Variants in RAB31 observed in about 807,000 individuals in gnomAD.
RAB31 encodes the protein ras-related protein Rab-31.
A neutral mutation model predicts 25.6 loss-of-function variants in RAB31; 21 were observed. That is an observed-to-expected ratio of 0.82 (90% confidence interval 0.58 to 1.18). The LOEUF (loss-of-function observed/expected upper bound fraction) is 1.18, where lower values mean the gene tolerates loss of function less well. Among genes scored for constraint, RAB31 ranks in the 50% most tolerant of loss-of-function variants. The probability of loss-of-function intolerance (pLI) is 0.00; values close to 1 mark genes in which losing one functional copy is unlikely to be tolerated. For missense variants in RAB31, 196 were observed against 250.1 expected (o/e 0.78, Z 1.46); for synonymous variants, 87 against 84.0 (o/e 1.04, Z -0.20).
intron 1 of RAB31, among the ~76,000 whole-genome samples, chr18:9,748,890 C>CA (rs574198911): frequency 0.21 from 30,687 of 145,616 alleles, 3,261 homozygotes; most frequent in African/African-American, 0.29. Context: ...GACTCTGTCT[C>CA]AAAAAAAAAT....
intron 1 of RAB31, among the ~76,000 whole-genome samples, chr18:9,733,102 T>A (rs2068131809): frequency 6.6e-6 from 1 of 152,174 alleles, no homozygotes; most frequent in Non-Finnish European, 1.5e-5. Flanking sequence ...CGCACAGCAC[T>A]TGGGTGTTTT....
At chr18:9,786,854 G>C (rs928696346) in intron 2 of RAB31, 2 of 152,506 alleles carry the variant, frequency 1.3e-5, no homozygotes, top group Non-Finnish European at 2.9e-5. Context: ...AGTGTCATTG[G>C]AAAGACGTGA....
At chr18:9,859,080 A>G (rs2068833763) in intron 6 of RAB31, 148 bp from the exon 7 acceptor site, 2 of 646,028 alleles carry the variant, frequency 3.1e-6, no homozygotes. Flanking sequence ...GGGAGGAAGG[A>G]AAGGAAGGAA....
intron 1 of RAB31, among the ~76,000 whole-genome samples, chr18:9,746,498 A>C (rs992166123): frequency 6.6e-6 from 1 of 152,238 alleles, no homozygotes; most frequent in African/African-American, 2.4e-5. Context: ...AGGACTCAAC[A>C]CTTCCTGATT....
At chr18:9,806,404 G>T (rs932023527) in intron 3 of RAB31, among the ~76,000 whole-genome samples, 2 of 152,152 alleles carry the variant, frequency 1.3e-5, no homozygotes, top group Admixed American at 6.5e-5. Flanking sequence ...TTGATTAAAG[G>T]TGTGACAGAA....
At position 9,771,001 on chromosome 18, in the gene RAB31, A is replaced by G. The variant is rs1952480284; in HGVS notation, c.40-4277A>G. On this transcript the variant is annotated intron_variant, in intron 1 of 6. Coordinates refer to ENST00000578921, the MANE Select transcript of RAB31 (RefSeq NM_006868.4). The stretch of plus-strand genomic sequence containing the variant: ...ACATAGCAAGACCTTGTCTCTGCAA[A>G]AAAACCCCTAACATTTAAAAATAGC... Among the ~76,000 whole-genome samples, 4 of 152,100 alleles carry G rather than the reference A, an allele frequency of 2.6e-5. No homozygotes were observed. The South Asian group carries it at 8.3e-4, about 32-fold the overall frequency.
In RAB31 at chr18:9,708,432, G is replaced by C; in HGVS notation, c.27G>C (p.Val9=). The C allele has an allele frequency of 1.9e-6, 3 of 1,570,394 alleles. No homozygotes were observed. The highest frequency in any genetic ancestry group is 2.6e-6 in the Non-Finnish European group (3 of 1,159,892). Residue 9 remains valine, a synonymous_variant, in exon 1 of 7, where the codon GTG becomes GTC. Coordinates refer to ENST00000578921, the MANE Select transcript of RAB31 (RefSeq NM_006868.4). The surrounding 1 kb of genome is among the most constrained non-coding windows in gnomAD (Gnocchi z 6.4). ...TGATGGCGATACGGGAGCTCAAAGTGTGCCTTCTCGGGGTGAGTCCTGGCC... is the reference window on the plus strand; with the variant it reads ...TGATGGCGATACGGGAGCTCAAAGTCTGCCTTCTCGGGGTGAGTCCTGGCC... MMAIRELK[V]CLLGDTGVGK... is the part of the protein sequence containing the mutation.
intron 1 of RAB31, among the ~76,000 whole-genome samples, chr18:9,764,832 A>T (rs2068307130): frequency 6.6e-6 from 1 of 152,152 alleles, no homozygotes; most frequent in African/African-American, 2.4e-5. Flanking sequence ...GCTTGAGTTC[A>T]CTTATGCCAT....
chr18:9,778,235 G>A (rs1220566452), intron 2 of RAB31, among the ~76,000 whole-genome samples: 1 of 152,270 alleles, frequency 6.6e-6, no homozygotes, highest in South Asian at 2.1e-4. Flanking sequence ...AGATTAAAGG[G>A]GGAGACACAG....
intron 5 of RAB31, among the ~76,000 whole-genome samples, chr18:9,842,203 G>A (rs1023162333): frequency 9.9e-5 from 15 of 152,070 alleles, no homozygotes; most frequent in Admixed American, 7.2e-4. Context: ...TCAATAGTTC[G>A]TATTGAGGCT....
chr18:9,742,867 G>C (rs1395274834), intron 1 of RAB31, among the ~76,000 whole-genome samples: 1 of 152,112 alleles, frequency 6.6e-6, no homozygotes, highest in African/African-American at 2.4e-5. Flanking sequence ...CCACAACTTG[G>C]CTCTTTTTCC....
chr18:9,726,098 C>T (rs1378285884), intron 1 of RAB31: 1 of 152,216 alleles, frequency 6.6e-6, no homozygotes, highest in Non-Finnish European at 1.5e-5. Context: ...GGGAAGTGGA[C>T]CCTAAGCCAG....
chr18:9,858,021 C>A lies in RAB31; in HGVS notation c.491-1207C>A, dbSNP rs117892505. ...CTTCAGCCTGGGTGACAGAGTGAGA[C>A]CCTGTCTCAAGAATAAAACAAAATC... is the stretch of plus-strand genomic sequence containing the variant. On this transcript the variant is annotated intron_variant, in intron 6 of 6. Transcript: ENST00000578921. 1.1e-3 allele frequency among the ~76,000 whole-genome samples: 165 copies of A among 152,220 alleles called. 1 individual carries two copies. In the East Asian group the frequency reaches 0.028, roughly 26 times the overall value.
chr18:9,710,659 C>G (rs1023537861), intron 1 of RAB31, among the ~76,000 whole-genome samples: 1 of 152,024 alleles, frequency 6.6e-6, no homozygotes, highest in Admixed American at 6.6e-5. Flanking sequence ...TCAAGACCAG[C>G]CTGGCCAACA....
chr18:9,824,132 TG>T (rs1346512942), intron 5 of RAB31, among the ~76,000 whole-genome samples: 1 of 152,198 alleles, frequency 6.6e-6, no homozygotes, highest in East Asian at 1.9e-4. Context: ...CCCAGAAAAC[TG>T]TATTTGATTT....
At chr18:9,756,939 G>T (rs2068263086) in intron 1 of RAB31, among the ~76,000 whole-genome samples, 1 of 152,192 alleles carries the variant, frequency 6.6e-6, no homozygotes, top group South Asian at 2.1e-4. Flanking sequence ...AAGTTTAGGA[G>T]TCTGTTCTGA....
intron 1 of RAB31, among the ~76,000 whole-genome samples, chr18:9,748,390 C>T (rs935858736): frequency 6.6e-6 from 1 of 151,978 alleles, no homozygotes; most frequent in African/African-American, 2.4e-5. Context: ...CCGGTAGTCC[C>T]AGCTACTCAG....
chr18:9,778,060 A>T (rs1488088887), intron 2 of RAB31, among the ~76,000 whole-genome samples: 4 of 152,084 alleles, frequency 2.6e-5, no homozygotes, highest in African/African-American at 9.7e-5. Context: ...GCCTGTAATG[A>T]CCTTTTTTAA....
intron 3 of RAB31, among the ~76,000 whole-genome samples, chr18:9,796,947 C>A (rs1453277129): frequency 6.6e-6 from 1 of 152,210 alleles, no homozygotes; most frequent in East Asian, 1.9e-4. Flanking sequence ...AACACATTTT[C>A]TTAAAAATAC....
Sources: gnomAD v4.1 joint callset for allele counts (sites outside exome capture counted in the v4.1 genomes callset) on GRCh38, gnomAD v4.1.1 for gene constraint, Gnocchi (gnomAD v3.1) non-coding constraint, MANE v1.5 for transcripts, NCBI Gene and HGNC (gene_info 2026-07-23, HGNC 2026-07-21) for gene names.